The following KATNIP variants were observed in gnomAD, a reference collection of about 807,000 sequenced individuals.
The protein encoded by KATNIP is katanin interacting protein, also known as katanin-interacting protein.
In KATNIP, 126 loss-of-function variants were observed where a neutral mutation model predicts 174.0. That is an observed-to-expected ratio of 0.72 (90% CI 0.63 to 0.84). The LOEUF is 0.84. Among genes scored for constraint, KATNIP ranks in the 40% least tolerant of loss-of-function variants. KATNIP has a pLI of 0.00. For missense variants in KATNIP, 1,958 were observed against 2,109.7 expected (o/e 0.93, Z 1.41); for synonymous variants, 810 against 835.7 (o/e 0.97, Z 0.53).
At chr16:27,622,247 G>A (rs115460850) in intron 3 of KATNIP, among the ~76,000 whole-genome samples, 346 of 152,252 alleles carry the variant, frequency 2.3e-3, no homozygotes, top group African/African-American at 7.5e-3. Context: ...CAGGGTGAGC[G>A]CAAGGCCACC....
rs1187405083 is a variant in KATNIP, at chr16:27,776,094, T to A, written c.4450-834T>A. 6.6e-6 allele frequency among the ~76,000 whole-genome samples: 1 copy of A among 152,154 alleles called. No homozygotes were observed. Among genetic ancestry groups the A allele is most frequent in the African/African-American group, 2.4e-5 (1 of 41,422 alleles). ...GCGGCTGGACTCCAACATCTGTATCTGCTTGAGCCTCACAGGCAACTGAGT... is the reference window on the plus strand; with the variant it reads ...GCGGCTGGACTCCAACATCTGTATCAGCTTGAGCCTCACAGGCAACTGAGT... On this transcript the variant is annotated intron_variant, in intron 24 of 27. Coordinates refer to ENST00000261588, the MANE Select transcript of KATNIP (RefSeq NM_015202.5). The surrounding 1 kb of genome is among the most constrained non-coding windows in gnomAD (Gnocchi z 4.7).
At chr16:27,715,758 G>C (rs1427904410) in intron 13 of KATNIP, among the ~76,000 whole-genome samples, 1 of 152,084 alleles carries the variant, frequency 6.6e-6, no homozygotes, top group South Asian at 2.1e-4. Context: ...ACACCCACTA[G>C]GACAGCTGTA....
At position 27,778,640 on chromosome 16, in the gene KATNIP, A is replaced by G; in HGVS notation, c.*11A>G. ...CGACGGCGCTGCTGACTGGTGAAGG[A>G]GGGAGAGCTGGTCCTCCCACTATGG... is the stretch of plus-strand genomic sequence containing the variant. On this transcript the variant is annotated 3_prime_UTR_variant, in exon 28 of 28. Coordinates refer to ENST00000261588, the MANE Select transcript of KATNIP (RefSeq NM_015202.5). 1 of 1,613,060 alleles carries G rather than the reference A, an allele frequency of 6.2e-7. No homozygotes were observed. Among genetic ancestry groups the G allele is most frequent in the Non-Finnish European group, 8.5e-7 (1 of 1,179,348 alleles).
chr16:27,741,098 G>A (rs181958151), intron 15 of KATNIP, among the ~76,000 whole-genome samples, 178 bp downstream of exon 15: 126 of 152,290 alleles, frequency 8.3e-4, no homozygotes, highest in Non-Finnish European at 1.5e-3. Context: ...TGAGTGAAAT[G>A]GGCAAGACAC....
chr16:27,724,806 A>G (rs1271470472), intron 14 of KATNIP, among the ~76,000 whole-genome samples: 1 of 152,244 alleles, frequency 6.6e-6, no homozygotes, highest in Non-Finnish European at 1.5e-5. Context: ...TCGGCCTGGT[A>G]GACAAGGCTT....
chr16:27,660,636 CTT>C (rs367915880), intron 6 of KATNIP, among the ~76,000 whole-genome samples: 8 of 142,244 alleles, frequency 5.6e-5, no homozygotes, highest in Admixed American at 1.4e-4. Context: ...CATATCAGTA[CTT>C]TTTTTTTTTT....
At chr16:27,641,151 A>T (rs2076783300) in intron 5 of KATNIP, among the ~76,000 whole-genome samples, 1 of 150,826 alleles carries the variant, frequency 6.6e-6, no homozygotes, top group Non-Finnish European at 1.5e-5. Flanking sequence ...AAAAAAAAAA[A>T]GGAGAGAGAG....
Position 27,576,632 on chromosome 16 carries a change from A to G in KATNIP, c.63+2676A>G, listed in dbSNP as rs534781645. On this transcript the variant is annotated intron_variant, in intron 2 of 27. Coordinates refer to ENST00000261588, the MANE Select transcript of KATNIP (RefSeq NM_015202.5). The stretch of plus-strand genomic sequence containing the variant: ...CTCTACTAAAAAACAATTATTAAAA[A>G]CAAAAAAACAAACAAAACAAAACAA... Among the ~76,000 whole-genome samples the G allele has an allele frequency of 3.9e-4, 60 of 152,036 alleles. No homozygotes were observed. In the South Asian group the frequency reaches 8.9e-3, roughly 23 times the overall value.
Position 27,751,714 on chromosome 16 carries a change from A to G in KATNIP, c.3347-5A>G, listed in dbSNP as rs1351243800. The G allele has an allele frequency of 3.1e-6, 5 of 1,614,098 alleles. No homozygotes were observed. Among genetic ancestry groups the G allele is most frequent in the Non-Finnish European group, 4.2e-6 (5 of 1,179,932 alleles). On this transcript the variant is annotated splice_region_variant and splice_polypyrimidine_tract_variant and intron_variant, in intron 16 of 27. Transcript: ENST00000261588. ...GACCTTTCTGTCATCTTGATAACCC[A>G]TTAGCCCCAGAGCACTTTGGAGACA...
chr16:27,707,732 G>A (rs2079379321), intron 12 of KATNIP, among the ~76,000 whole-genome samples: 1 of 152,248 alleles, frequency 6.6e-6, no homozygotes, highest in Non-Finnish European at 1.5e-5. Context: ...TCAAGGTGTT[G>A]GCAGGTTTGG....
chr16:27,699,655 T>C, intron 10 of KATNIP, 56 bp downstream of exon 10: 1 of 1,610,958 alleles, frequency 6.2e-7, no homozygotes, highest in Non-Finnish European at 8.5e-7. Flanking sequence ...TAGCTCCCGA[T>C]GGTGCCAGGC....
intron 20 of KATNIP, among the ~76,000 whole-genome samples, chr16:27,769,601 G>A (rs1330718479): frequency 3.3e-5 from 5 of 152,338 alleles, no homozygotes; most frequent in East Asian, 3.9e-4. Context: ...TGAGGTGGGC[G>A]AGGCCTTGGC....
intron 3 of KATNIP, among the ~76,000 whole-genome samples, chr16:27,625,129 A>C (rs1490792647): frequency 6.6e-6 from 1 of 152,184 alleles, no homozygotes; most frequent in Non-Finnish European, 1.5e-5. Flanking sequence ...TTTTTAAAAA[A>C]CACTTTTCTT....
chr16:27,689,344 A>C (rs947797187), intron 8 of KATNIP, among the ~76,000 whole-genome samples: 1 of 151,760 alleles, frequency 6.6e-6, no homozygotes, highest in Non-Finnish European at 1.5e-5. Flanking sequence ...TGAACCTAGG[A>C]GGTGGAGGTT....
At chr16:27,770,689 C>A (rs2082268659) in intron 21 of KATNIP, among the ~76,000 whole-genome samples, 1 of 152,206 alleles carries the variant, frequency 6.6e-6, no homozygotes, top group South Asian at 2.1e-4. Context: ...TCAGGAGGGC[C>A]GTGGAGGAGA....
At chr16:27,634,615 C>T (rs117000590) in intron 5 of KATNIP, among the ~76,000 whole-genome samples, 4,313 of 152,286 alleles carry the variant, frequency 0.028, 80 homozygotes, top group Non-Finnish European at 0.046. Context: ...GACCCTGCCC[C>T]GCAGCCTGGC....
At chr16:27,587,231 C>G (rs2090937473) in intron 2 of KATNIP, among the ~76,000 whole-genome samples, 2 of 152,170 alleles carry the variant, frequency 1.3e-5, no homozygotes, top group Non-Finnish European at 2.9e-5. Flanking sequence ...CACTTAGAAC[C>G]ATATCTGTAA....
intron 2 of KATNIP, among the ~76,000 whole-genome samples, chr16:27,588,522 C>A: frequency 6.6e-6 from 1 of 152,050 alleles, no homozygotes; most frequent in Non-Finnish European, 1.5e-5. Context: ...GCCACTCAGG[C>A]TGGAGTGCAG....
intron 5 of KATNIP, among the ~76,000 whole-genome samples, chr16:27,639,227 C>G (rs968669307): frequency 6.6e-6 from 1 of 152,174 alleles, no homozygotes; most frequent in Non-Finnish European, 1.5e-5. Context: ...AAACCCTTCC[C>G]AAGCCCCTCA....
Sources: allele counts gnomAD v4.1 joint callset (sites outside exome capture counted in the v4.1 genomes callset), GRCh38; gene constraint gnomAD v4.1.1; non-coding constraint Gnocchi (gnomAD v3.1); transcripts MANE v1.5; gene names NCBI Gene and HGNC (gene_info 2026-07-23, HGNC 2026-07-21).